RASSF8: variants seen among roughly 807,000 people sequenced by gnomAD.
RASSF8 encodes the protein ras association domain-containing protein 8.
In RASSF8, 22 loss-of-function variants were observed where a neutral mutation model predicts 48.5. That is an observed-to-expected ratio of 0.45 (90% CI 0.32 to 0.65). RASSF8 has a LOEUF of 0.65. RASSF8 is among the 30% of genes least tolerant of loss of function. RASSF8 has a pLI of 0.03. For synonymous variants in RASSF8, 127 were observed against 171.5 expected, an observed-to-expected ratio of 0.74 and a Z score of 2.03; for missense variants, 418 against 489.2, an observed-to-expected ratio of 0.85 and a Z score of 1.37.
downstream of RASSF8, chr12:26,072,937 T>C (rs570282844): frequency 1.6e-6 from 1 of 620,580 alleles, no homozygotes; most frequent in Admixed American, 6.3e-5. Flanking sequence ...CTTTAAAAGA[T>C]ACCAAAGAGA....
intron 1 of RASSF8, among the ~76,000 whole-genome samples, chr12:25,967,823 C>T (rs1329436516): frequency 6.6e-6 from 1 of 152,146 alleles, no homozygotes; most frequent in Admixed American, 6.5e-5. Flanking sequence ...AGGCACTGAC[C>T]CCTCTGCAGT....
intron 2 of RASSF8, among the ~76,000 whole-genome samples, chr12:26,019,605 CTG>C (rs1942741086): frequency 1.7e-5 from 2 of 117,562 alleles, no homozygotes; most frequent in East Asian, 4.8e-4. Context: ...GTGTGTGTGT[CTG>C]TGTGTGTCTG....
intron 1 of RASSF8, among the ~76,000 whole-genome samples, chr12:25,965,808 G>C (rs1426541938): frequency 1.3e-5 from 2 of 152,112 alleles, no homozygotes; most frequent in African/African-American, 4.8e-5. Context: ...TGTTGTTGAG[G>C]CTTCTTAAAC....
Position 25,994,277 on chromosome 12 carries a change from TTAAA to T in RASSF8, c.-202-759_-202-756del, listed in dbSNP as rs1262647151. On this transcript the variant is annotated intron_variant, in intron 1 of 5. Transcript: ENST00000689635. ...AGTAGTTTGATGTCTGGATAGATTT[TTAAA>T]AAAAAAAAAAATGGTTGATGGAAGC... Among the ~76,000 whole-genome samples the T allele has an allele frequency of 1.3e-3, 99 of 78,408 alleles. 1 individual carries two copies. Among genetic ancestry groups the T allele is most frequent in the South Asian group, 4.7e-3 (10 of 2,114 alleles). The allele number at this position is 78,408 out of a possible 152,430, so 51.4% of individuals were successfully genotyped here.
chr12:26,023,718 G>C (rs139700198), intron 2 of RASSF8, among the ~76,000 whole-genome samples: 1 of 152,076 alleles, frequency 6.6e-6, no homozygotes, highest in East Asian at 1.9e-4. Flanking sequence ...AATTACAAAA[G>C]ATAGTATAGA....
At chr12:25,971,943 G>C (rs1042446540) in intron 1 of RASSF8, among the ~76,000 whole-genome samples, 11 of 152,204 alleles carry the variant, frequency 7.2e-5, no homozygotes, top group Admixed American at 6.5e-4. Context: ...TGGGTCTCCT[G>C]GAAAGCAGGA....
chr12:26,060,670 G>C (rs1019577074), intron 3 of RASSF8, among the ~76,000 whole-genome samples: 1 of 152,146 alleles, frequency 6.6e-6, no homozygotes, highest in Non-Finnish European at 1.5e-5. Flanking sequence ...GAAAAAGCTA[G>C]TTGTGTTCAC....
rs1375482097 is a variant in RASSF8, at chr12:25,965,702, C to T, written c.-203+6554C>T. Among the ~76,000 whole-genome samples the T allele has an allele frequency of 2.0e-5, 3 of 152,152 alleles. No individual in the cohort carries two copies. In the East Asian group the frequency reaches 5.8e-4, roughly 29 times the overall value. On this transcript the variant is annotated intron_variant, in intron 1 of 5. Coordinates refer to ENST00000689635, the MANE Select transcript of RASSF8 (RefSeq NM_001394098.1). ...GTAATTTATCTTCCTTTCATTCTCC[C>T]GTTTCCTCTAAACCACTGGTCTGCT...
In RASSF8 at chr12:26,071,203, C is replaced by T. The variant is rs1441928539; in HGVS notation, c.*2385C>T. 2 of 980,272 alleles carry T rather than the reference C, an allele frequency of 2.0e-6. No homozygotes were observed. Among genetic ancestry groups the T allele is most frequent in the Non-Finnish European group, 2.4e-6 (2 of 825,504 alleles). The allele number at this position is 980,272 out of a possible 1,614,324, so 60.7% of individuals were successfully genotyped here. A position where few individuals can be genotyped will look rare whatever the true frequency, so the allele number is the denominator to read the frequency against. ...ACTCAGAGGGAAAAAAACTCGTTTT[C>T]ATAGGATCATCTGAAGATACTTTAG... On this transcript the variant is annotated 3_prime_UTR_variant, in exon 6 of 6. Coordinates refer to ENST00000689635, the MANE Select transcript of RASSF8 (RefSeq NM_001394098.1).
intron 1 of RASSF8, among the ~76,000 whole-genome samples, chr12:25,970,790 G>C (rs1388978951): frequency 1.3e-5 from 2 of 152,176 alleles, no homozygotes; most frequent in Non-Finnish European, 2.9e-5. Context: ...TGGGCACCAG[G>C]TGCCAACAGG....
chr12:25,985,586 C>G (rs1941853948), intron 1 of RASSF8, among the ~76,000 whole-genome samples: 1 of 152,188 alleles, frequency 6.6e-6, no homozygotes, highest in Non-Finnish European at 1.5e-5. Flanking sequence ...ATGAGTAAAT[C>G]GGCAATTATC....
At chr12:26,045,040 A>G (rs1010119685) in intron 2 of RASSF8, among the ~76,000 whole-genome samples, 2 of 152,168 alleles carry the variant, frequency 1.3e-5, no homozygotes, top group Non-Finnish European at 2.9e-5. Flanking sequence ...TCATCTAGGG[A>G]CTTAATTATT....
rs1565650632 is a variant in RASSF8 at position 26,069,482 on chromosome 12, G to A, written c.*664G>A. 1 of 985,284 alleles carries A rather than the reference G, an allele frequency of 1.0e-6. No individual in the cohort carries two copies. Among genetic ancestry groups the A allele is most frequent in the South Asian group, 4.7e-5 (1 of 21,292 alleles). The allele number at this position is 985,284 out of a possible 1,614,324, so 61.0% of individuals were successfully genotyped here. A position where few individuals can be genotyped will look rare whatever the true frequency, so the allele number is the denominator to read the frequency against. ...TACAATATTTCCAAATATACGTGTG[G>A]CCACAGAGCATAACAGATATTTTTC... On this transcript the variant is annotated 3_prime_UTR_variant, in exon 6 of 6. Transcript: ENST00000689635.
intron 1 of RASSF8, among the ~76,000 whole-genome samples, chr12:25,992,041 A>T (rs1942027613): frequency 6.6e-6 from 1 of 152,176 alleles, no homozygotes; most frequent in African/African-American, 2.4e-5. Flanking sequence ...TGTATAATAG[A>T]TAACTGTTTT....
At chr12:26,059,772 A>T in intron 3 of RASSF8, among the ~76,000 whole-genome samples, 1 of 152,266 alleles carries the variant, frequency 6.6e-6, no homozygotes, top group East Asian at 1.9e-4. Context: ...TGCATCAGTC[A>T]AGATGGGTTA....
intron 1 of RASSF8, among the ~76,000 whole-genome samples, chr12:25,993,648 T>C (rs1565608882): frequency 1.3e-5 from 2 of 152,174 alleles, no homozygotes; most frequent in South Asian, 4.1e-4. Context: ...GCTTTTTGGA[T>C]GGCACCGTCC....
intron 5 of RASSF8, among the ~76,000 whole-genome samples, chr12:26,078,137 T>C (rs1944087397): frequency 6.6e-6 from 1 of 152,178 alleles, no homozygotes; most frequent in African/African-American, 2.4e-5. Context: ...ACACTGGAGA[T>C]ATAGCAGTGA....
intron 2 of RASSF8, among the ~76,000 whole-genome samples, chr12:26,006,162 G>A (rs900550818): frequency 6.6e-6 from 1 of 152,162 alleles, no homozygotes; most frequent in Non-Finnish European, 1.5e-5. Context: ...TTTCTTCCTG[G>A]TCTCTGGCTT....
At chr12:26,064,023 G>GCCC (rs1334769080) in intron 3 of RASSF8, among the ~76,000 whole-genome samples, 1 of 152,090 alleles carries the variant, frequency 6.6e-6, no homozygotes, top group Non-Finnish European at 1.5e-5. Context: ...GGGGCCTCCA[G>GCCC]CCCTCCCAAG....
Sources: gnomAD v4.1 joint callset for allele counts (sites outside exome capture counted in the v4.1 genomes callset) on GRCh38, gnomAD v4.1.1 for gene constraint, MANE v1.5 for transcripts, NCBI Gene and HGNC (gene_info 2026-07-23, HGNC 2026-07-21) for gene names.